Variants in BIN3 observed in about 807,000 individuals in gnomAD.
The protein encoded by BIN3 is bridging integrator 3.
BIN3 carries 41 observed loss-of-function variants against 38.2 expected under a neutral mutation model. The observed-to-expected ratio is 1.07, with a 90% CI of 0.84 to 1.39. The LOEUF (loss-of-function observed/expected upper bound fraction) is 1.39, where lower values mean the gene tolerates loss of function less well. Among genes scored for constraint, BIN3 ranks in the 40% most tolerant of loss-of-function variants. BIN3 has a pLI of 0.00. For missense variants in BIN3, 361 were observed against 324.3 expected, an observed-to-expected ratio of 1.11 and a Z score of -0.87; for synonymous variants, 145 against 122.6, an observed-to-expected ratio of 1.18 and a Z score of -1.21.
intron 4 of BIN3, among the ~76,000 whole-genome samples, chr8:22,635,680 G>C (rs909175412): frequency 2.6e-5 from 4 of 152,176 alleles, no homozygotes; most frequent in Non-Finnish European, 5.9e-5. Context: ...GTGCTTCTCG[G>C]GTGACGGAAC....
rs146966405 is a variant in BIN3 at position 22,653,374 on chromosome 8, T to C, written c.9-8571A>G. On this transcript the variant is annotated intron_variant, in intron 1 of 8. Transcript: ENST00000276416. Reference sequence around the variant, plus strand: ...GGTACAATTGGAAAATGTTTTGTTATGCTTTGCTATATTTCAGAATGATTT... The same window carrying C: ...GGTACAATTGGAAAATGTTTTGTTACGCTTTGCTATATTTCAGAATGATTT... 3.5e-3 allele frequency among the ~76,000 whole-genome samples: 528 copies of C among 152,372 alleles called. 5 individuals carry two copies. Among genetic ancestry groups the C allele is most frequent in the African/African-American group, 0.012 (503 of 41,592 alleles).
chr8:22,643,415 C>T (rs1193760055), intron 2 of BIN3, among the ~76,000 whole-genome samples: 2 of 152,172 alleles, frequency 1.3e-5, no homozygotes, highest in Non-Finnish European at 2.9e-5. Flanking sequence ...ACTGTGGCCT[C>T]GAACTCGTGC....
chr8:22,621,656 CCT>C, intron 8 of BIN3, 88 bp from the exon 9 acceptor site: 2 of 1,339,718 alleles, frequency 1.5e-6, no homozygotes, highest in Admixed American at 3.5e-5. Context: ...TCTGCTACCC[CCT>C]GCCCTTACCC....
intron 2 of BIN3, 81 bp from the exon 3 acceptor site, chr8:22,637,043 C>T: frequency 3.1e-6 from 4 of 1,270,336 alleles, no homozygotes; most frequent in Non-Finnish European, 4.5e-6. Context: ...AAACTCTCTC[C>T]ACACCCTGCC....
At chr8:22,664,820 A>T (rs1027650607) in intron 1 of BIN3, among the ~76,000 whole-genome samples, 5 of 152,256 alleles carry the variant, frequency 3.3e-5, no homozygotes, top group Non-Finnish European at 7.3e-5. Context: ...AAGCCATCTG[A>T]AAAGTTAGAA....
At position 22,652,968 on chromosome 8, in the gene BIN3, T is replaced by C. The variant is rs76266071; in HGVS notation, c.9-8165A>G. Among the ~76,000 whole-genome samples the C allele has an allele frequency of 3.3e-3, 507 of 152,308 alleles. 8 individuals carry two copies. Among genetic ancestry groups the C allele is most frequent in the African/African-American group, 0.012 (479 of 41,574 alleles). The stretch of plus-strand genomic sequence containing the variant: ...TTGTTCGAAATTTTTCTACTACTGA[T>C]GGTTTAGAAGAGCCTTTTTCAGCTT... On this transcript the variant is annotated intron_variant, in intron 1 of 8. Transcript: ENST00000276416.
At chr8:22,647,510 C>T (rs1188705593) in intron 1 of BIN3, among the ~76,000 whole-genome samples, 1 of 152,180 alleles carries the variant, frequency 6.6e-6, no homozygotes, top group Non-Finnish European at 1.5e-5. Flanking sequence ...CTGCTACCCA[C>T]AGTTCAATAC....
intron 6 of BIN3, among the ~76,000 whole-genome samples, chr8:22,627,589 G>C (rs1253465838): frequency 6.6e-6 from 1 of 152,142 alleles, no homozygotes; most frequent in Non-Finnish European, 1.5e-5. Context: ...ACCACACTGG[G>C]GGAGCCTGTC....
intron 1 of BIN3, among the ~76,000 whole-genome samples, chr8:22,663,637 T>C (rs1803316130): frequency 6.6e-6 from 1 of 152,130 alleles, no homozygotes; most frequent in African/African-American, 2.4e-5. Flanking sequence ...AGCATGGCAC[T>C]GAAAGCACTA....
Position 22,669,075 on chromosome 8 carries a change from C to T in BIN3, c.-24G>A, listed in dbSNP as rs754971684. 2.3e-5 allele frequency: 36 copies of T among 1,590,914 alleles called. No individual in the cohort carries two copies. The highest frequency in any genetic ancestry group is 2.8e-5 in the Non-Finnish European group (33 of 1,169,128). ...ATGGTCCCGAACCTGCGTCTGCCGCCGGGGTCCTCAGCCACAACTCGTTTC... is the reference window on the plus strand; with the variant it reads ...ATGGTCCCGAACCTGCGTCTGCCGCTGGGGTCCTCAGCCACAACTCGTTTC... On this transcript the variant is annotated 5_prime_UTR_variant, in exon 1 of 9. Transcript: ENST00000276416.
chr8:22,657,687 C>G (rs1803099705), intron 1 of BIN3, among the ~76,000 whole-genome samples: 1 of 152,224 alleles, frequency 6.6e-6, no homozygotes, highest in Admixed American at 6.5e-5. Flanking sequence ...TGGAGTATTC[C>G]TGCAGGAAGT....
intron 4 of BIN3, among the ~76,000 whole-genome samples, chr8:22,633,017 T>C (rs1802256308): frequency 1.3e-5 from 2 of 152,082 alleles, no homozygotes; most frequent in African/African-American, 4.8e-5. Flanking sequence ...CCCAGCTGCA[T>C]TTTCCCCTTT....
At chr8:22,645,861 C>T (rs185836644) in intron 1 of BIN3, among the ~76,000 whole-genome samples, 1 of 152,244 alleles carries the variant, frequency 6.6e-6, no homozygotes, top group Admixed American at 6.5e-5. Flanking sequence ...GATTATTTCC[C>T]TGGGAAAACT....
Position 22,630,462 on chromosome 8 carries a change from C to T in BIN3, c.277G>A (p.Asp93Asn). The change falls in exon 5 of 9, where the codon GAT becomes AAT. Residue 93 changes from aspartate to asparagine, a missense_variant. Physicochemically the swap from Asp to Asn is conservative, Grantham distance 23. Transcript: ENST00000276416. ...GTCACCTTTTCCTGATTGAAGGCAT[C>T]CATCCGCTTCATGGCCGTGTCCAGG... ...TALDTAMKRMDAFNQEKVNQI... is the reference protein window; with the variant it reads ...TALDTAMKRMNAFNQEKVNQI... The T allele has an allele frequency of 6.2e-7, 1 of 1,614,026 alleles. No homozygotes were observed.
At chr8:22,663,167 CATTGCACACAT>C (rs941257475) in intron 1 of BIN3, among the ~76,000 whole-genome samples, 5 of 151,656 alleles carry the variant, frequency 3.3e-5, no homozygotes, top group African/African-American at 9.7e-5. Flanking sequence ...TATCAGAGTG[CATTGCACACAT>C]ACTGTGTCAA....
At position 22,621,448 on chromosome 8, in the gene BIN3, C is replaced by T. The variant is rs1221135333; in HGVS notation, c.736G>A (p.Ala246Thr). The part of the protein sequence containing the change: ...ENEAKLSELR[A>T]LSIVADD ...CAGTCATCGGCCACAATGGAGAGGG[C>T]CCGGAGCTCACTGAGTTTGGCCTCG... Residue 246 changes from alanine (A) to threonine (T), a missense_variant, in exon 9 of 9, where the codon GCC (alanine) becomes ACC (threonine). Transcript: ENST00000276416. The T allele has an allele frequency of 4.3e-6, 7 of 1,613,490 alleles. No homozygotes were observed. The highest frequency in any genetic ancestry group is 1.1e-5 in the South Asian group (1 of 91,058).
chr8:22,662,450 T>G (rs1422751725), intron 1 of BIN3, among the ~76,000 whole-genome samples: 2 of 152,252 alleles, frequency 1.3e-5, no homozygotes, highest in Non-Finnish European at 2.9e-5. Flanking sequence ...TTTTGTTCAC[T>G]TGGGTTTTCT....
At chr8:22,660,611 G>A (rs1175353448) in intron 1 of BIN3, among the ~76,000 whole-genome samples, 7 of 152,192 alleles carry the variant, frequency 4.6e-5, no homozygotes, top group African/African-American at 1.7e-4. Context: ...CATCCCGTGG[G>A]GCAGGGGCGG....
rs141786587 is a variant in BIN3, at chr8:22,642,463, G to A, written c.57+2292C>T. 2.6e-5 allele frequency among the ~76,000 whole-genome samples: 4 copies of A among 152,324 alleles called. No homozygotes were observed. The East Asian group carries it at 5.8e-4, about 22-fold the overall frequency. On this transcript the variant is annotated intron_variant, in intron 2 of 8. Transcript: ENST00000276416. Reference sequence around the variant, plus strand: ...AACTACTCCGAGCTGTAGCTCAGCTGTGATTCCTTGTGAGAGATCAAAGGC... The same window carrying A: ...AACTACTCCGAGCTGTAGCTCAGCTATGATTCCTTGTGAGAGATCAAAGGC...
Sources: allele counts gnomAD v4.1 joint callset (sites outside exome capture counted in the v4.1 genomes callset), GRCh38; gene constraint gnomAD v4.1.1; transcripts MANE v1.5; gene names NCBI Gene and HGNC (gene_info 2026-07-23, HGNC 2026-07-21).